Variants in SLC2A1 observed in about 807,000 individuals in gnomAD.
SLC2A1 encodes solute carrier family 2 member 1, also known as solute carrier family 2, facilitated glucose transporter member 1.
A neutral mutation model predicts 46.6 loss-of-function variants in SLC2A1; 4 were observed. That is an observed-to-expected ratio of 0.09 (90% confidence interval 0.04 to 0.20). The LOEUF (loss-of-function observed/expected upper bound fraction) is 0.20. Ranked by LOEUF, SLC2A1 falls within the 10% of genes least tolerant of loss-of-function variation. SLC2A1 has a pLI of 1.00. For synonymous variants in SLC2A1, 253 were observed against 270.0 expected (o/e 0.94, Z 0.62); for missense variants, 352 against 667.0 (o/e 0.53, Z 5.20).
chr1:42,931,945 C>T (rs545033257), intron 2 of SLC2A1, among the ~76,000 whole-genome samples: 4 of 152,306 alleles, frequency 2.6e-5, no homozygotes, highest in South Asian at 4.1e-4. Context: ...GGCCCTCCCC[C>T]CAACCCCTTG....
chr1:42,950,975 C>CA (rs1041318001), intron 1 of SLC2A1, among the ~76,000 whole-genome samples: 2 of 151,660 alleles, frequency 1.3e-5, no homozygotes, highest in Admixed American at 1.3e-4. Context: ...AACTCCGTCT[C>CA]AAAAAAAAGT....
chr1:42,930,387 CG>C lies in SLC2A1; in HGVS notation c.516+238del, dbSNP rs1341338833. On this transcript the variant is annotated intron_variant, in intron 4 of 9. Transcript: ENST00000426263. This position sits in a 1 kb window ranked among gnomAD's most constrained non-coding sequence, Gnocchi z 6.2. ...CAGCCTGCGGCATGTTGGGGGAAGG[CG>C]GGCCCTGTGGTTGGAAGCCTAGAGT... 1 of 700,618 alleles carries C rather than the reference CG, an allele frequency of 1.4e-6. No individual in the cohort carries two copies. The highest frequency in any genetic ancestry group is 1.8e-5 in the African/African-American group (1 of 56,604). 43.4% of individuals were successfully genotyped at this position (700,618 alleles called of 1,614,324 possible).
chr1:42,948,767 A>G (rs1301919759), intron 1 of SLC2A1, among the ~76,000 whole-genome samples: 1 of 152,106 alleles, frequency 6.6e-6, no homozygotes, highest in Non-Finnish European at 1.5e-5. Flanking sequence ...TGTCTCTACT[A>G]AAAATAGAAA....
Position 42,927,902 on chromosome 1 carries a change from C to G in SLC2A1, c.1075-94G>C. Reference sequence around the variant, plus strand: ...CTACAGAGGCCAGAGCAGAGCTATGCGAGAAGGCAGGAAGCCTGGGGATGG... The same window carrying G: ...CTACAGAGGCCAGAGCAGAGCTATGGGAGAAGGCAGGAAGCCTGGGGATGG... On this transcript the variant is annotated intron_variant, in intron 8 of 9. Coordinates refer to ENST00000426263, the MANE Select transcript of SLC2A1 (RefSeq NM_006516.4). The surrounding 1 kb of genome is among the most constrained non-coding windows in gnomAD (Gnocchi z 5.3). 2 of 977,138 alleles carry G rather than the reference C, an allele frequency of 2.0e-6. No individual in the cohort carries two copies. Among genetic ancestry groups the G allele is most frequent in the Non-Finnish European group, 3.2e-6 (2 of 632,040 alleles). The allele number at this position is 977,138 out of a possible 1,614,324, so 60.5% of individuals were successfully genotyped here. A position where few individuals can be genotyped will look rare whatever the true frequency, so the allele number is the denominator to read the frequency against.
Position 42,927,754 on chromosome 1 carries a change from C to T in SLC2A1, c.1129G>A (p.Ala377Thr), listed in dbSNP as rs779678519. 1.2e-6 allele frequency: 2 copies of T among 1,613,902 alleles called. No individual in the cohort carries two copies. The highest frequency in any genetic ancestry group is 1.3e-5 in the African/African-American group (1 of 74,892). ...LSIVAIFGFV[A>T]FFEVGPGPIP... is the part of the protein sequence containing the mutation. ...GGGCCAGGACCCACTTCAAAGAAGG[C>T]CACAAAGCCAAAGATGGCCACGATG... The change falls in exon 9 of 10, where the codon GCC becomes ACC. Residue 377 changes from alanine to threonine, a missense_variant. Around this residue, in one of 5 missense-constraint regions of SLC2A1, gnomAD observed 35 missense variants for 107.2 expected, o/e 0.33. Transcript: ENST00000426263. The surrounding 1 kb of genome is among the most constrained non-coding windows in gnomAD (Gnocchi z 5.3).
chr1:42,949,679 C>CAGCAG (rs1290791885), intron 1 of SLC2A1, among the ~76,000 whole-genome samples: 2 of 152,228 alleles, frequency 1.3e-5, no homozygotes, highest in African/African-American at 4.8e-5. Context: ...CATTTAGCAG[C>CAGCAG]AGCAGCAGCA....
Position 42,929,538 on chromosome 1 carries a change from A to G in SLC2A1, c.867+55T>C, listed in dbSNP as rs1643464662. 1.3e-6 allele frequency: 2 copies of G among 1,525,058 alleles called. No individual in the cohort carries two copies. Among genetic ancestry groups the G allele is most frequent in the African/African-American group, 1.4e-5 (1 of 73,288 alleles). The allele number at this position is 1,525,058 out of a possible 1,614,324, so 94.5% of individuals were successfully genotyped here. A position where few individuals can be genotyped will look rare whatever the true frequency, so the allele number is the denominator to read the frequency against. ...CAAGTTTGGGACTTGTTCACCATGC[A>G]CACTTGACCAGAGGGCTTGGCTGGG... On this transcript the variant is annotated intron_variant, in intron 6 of 9. Transcript: ENST00000426263. This position sits in a 1 kb window ranked among gnomAD's most constrained non-coding sequence, Gnocchi z 6.0.
chr1:42,929,060 A>G lies in SLC2A1; in HGVS notation c.973-27T>C. On this transcript the variant is annotated intron_variant, in intron 7 of 9. Coordinates refer to ENST00000426263, the MANE Select transcript of SLC2A1 (RefSeq NM_006516.4). This position sits in a 1 kb window ranked among gnomAD's most constrained non-coding sequence, Gnocchi z 6.0. ...TGTGGGCAGAGACAGTGTCAGTGCCACCCCTGCCTAGTGCCCTTCTGAACC... is the reference window on the plus strand; with the variant it reads ...TGTGGGCAGAGACAGTGTCAGTGCCGCCCCTGCCTAGTGCCCTTCTGAACC... 6.2e-7 allele frequency: 1 copy of G among 1,604,292 alleles called. No individual in the cohort carries two copies. The highest frequency in any genetic ancestry group is 8.5e-7 in the Non-Finnish European group (1 of 1,172,296).
At chr1:42,949,582 G>A (rs2124468405) in intron 1 of SLC2A1, among the ~76,000 whole-genome samples, 1 of 152,320 alleles carries the variant, frequency 6.6e-6, no homozygotes, top group East Asian at 1.9e-4. Flanking sequence ...ACCCTTGCAT[G>A]ACTGAACCTC....
At position 42,926,808 on chromosome 1, in the gene SLC2A1, T is replaced by A. The variant is rs1643431395; in HGVS notation, c.*233A>T. Reference sequence around the variant, plus strand: ...ATAACAAAATCAGTAATAAAAAAATTATAAAACCTGTTGCTTGTCTGAATA... The same window carrying A: ...ATAACAAAATCAGTAATAAAAAAATAATAAAACCTGTTGCTTGTCTGAATA... On this transcript the variant is annotated 3_prime_UTR_variant, in exon 10 of 10. Coordinates refer to ENST00000426263, the MANE Select transcript of SLC2A1 (RefSeq NM_006516.4). 4 of 1,494,804 alleles carry A rather than the reference T, an allele frequency of 2.7e-6. No individual in the cohort carries two copies. Among genetic ancestry groups the A allele is most frequent in the Non-Finnish European group, 3.5e-6 (4 of 1,128,316 alleles). The allele number at this position is 1,494,804 out of a possible 1,614,324, so 92.6% of individuals were successfully genotyped here.
chr1:42,927,282 T>C lies in SLC2A1; in HGVS notation c.1279-41A>G, dbSNP rs761521777. The C allele has an allele frequency of 2.5e-6, 4 of 1,584,746 alleles. No homozygotes were observed. The East Asian group carries it at 8.9e-5, about 35-fold the overall frequency. On this transcript the variant is annotated intron_variant, in intron 9 of 9. Coordinates refer to ENST00000426263, the MANE Select transcript of SLC2A1 (RefSeq NM_006516.4). This position sits in a 1 kb window ranked among gnomAD's most constrained non-coding sequence, Gnocchi z 5.3. The stretch of plus-strand genomic sequence containing the variant: ...ACACACTTGGTTGGAGTCATGACCC[T>C]ACATCCTGGCTGTAGGACTTTGGAT...
At chr1:42,938,257 A>G (rs1213449116) in intron 2 of SLC2A1, among the ~76,000 whole-genome samples, 1 of 151,900 alleles carries the variant, frequency 6.6e-6, no homozygotes. Flanking sequence ...CCAGGAGGGG[A>G]TGCATGGCAG....
chr1:42,947,311 C>T (rs1016506207), intron 1 of SLC2A1, among the ~76,000 whole-genome samples: 5 of 152,144 alleles, frequency 3.3e-5, no homozygotes, highest in African/African-American at 1.2e-4. Context: ...CCCAGCAGCC[C>T]ATCAGCACTC....
intron 1 of SLC2A1, among the ~76,000 whole-genome samples, chr1:42,957,998 C>G (rs1288976804): frequency 6.6e-6 from 1 of 152,212 alleles, no homozygotes; most frequent in Non-Finnish European, 1.5e-5. Context: ...TTCATCTCAA[C>G]CCCCGCGTTC....
At position 42,936,528 on chromosome 1, in the gene SLC2A1, G is replaced by T. The variant is rs182206803; in HGVS notation, c.115-5322C>A. ...CTGGGTCCCCTGGGGCCTCACTTTG[G>T]GGCCTGGGGGAAGAGGCCCAGGTTG... On this transcript the variant is annotated intron_variant, in intron 2 of 9. Transcript: ENST00000426263. Among the ~76,000 whole-genome samples the T allele has an allele frequency of 5.6e-4, 85 of 152,242 alleles. 1 individual carries two copies. Among genetic ancestry groups the T allele is most frequent in the African/African-American group, 2.0e-3 (82 of 41,548 alleles).
chr1:42,948,542 G>A (rs549208401), intron 1 of SLC2A1, among the ~76,000 whole-genome samples: 4 of 152,156 alleles, frequency 2.6e-5, no homozygotes, highest in Non-Finnish European at 5.9e-5. Context: ...TCAAAGGAGT[G>A]GGGGAGGGGT....
In SLC2A1 at chr1:42,958,710, G is replaced by T; in HGVS notation, c.-59C>A. 1 of 1,517,956 alleles carries T rather than the reference G, an allele frequency of 6.6e-7. No individual in the cohort carries two copies. The highest frequency in any genetic ancestry group is 2.0e-5 in the Admixed American group (1 of 50,602). 94.0% of individuals were successfully genotyped at this position (1,517,956 alleles called of 1,614,324 possible). On this transcript the variant is annotated 5_prime_UTR_variant, in exon 1 of 10. Transcript: ENST00000426263. ...GGTACGCGGGTGGCGACGGGCGTGC[G>T]AGCGGCGCTCTCCCGCTCAGGCTCG...
In SLC2A1 at chr1:42,929,326, G is replaced by A; in HGVS notation, c.868-12C>T. 1 of 1,600,508 alleles carries A rather than the reference G, an allele frequency of 6.2e-7. No homozygotes were observed. Among genetic ancestry groups the A allele is most frequent in the African/African-American group, 1.3e-5 (1 of 74,618 alleles). ...GAGTAATAGAAGACCTGCCAGACAA[G>A]AGAAACTGTTGGGGCCTACCTGGAC... On this transcript the variant is annotated splice_polypyrimidine_tract_variant and intron_variant, in intron 6 of 9. Coordinates refer to ENST00000426263, the MANE Select transcript of SLC2A1 (RefSeq NM_006516.4). This position sits in a 1 kb window ranked among gnomAD's most constrained non-coding sequence, Gnocchi z 6.0.
rs1485601868 is a variant in SLC2A1 at position 42,925,981 on chromosome 1, T to C, written c.*1060A>G. ...CAAGATAAAGAATGTATATATTCTCTGGGTAACAGGGATCAAACAGATTTT... is the reference window on the plus strand; with the variant it reads ...CAAGATAAAGAATGTATATATTCTCCGGGTAACAGGGATCAAACAGATTTT... On this transcript the variant is annotated 3_prime_UTR_variant, in exon 10 of 10. Transcript: ENST00000426263. The C allele has an allele frequency of 6.6e-6, 1 of 152,318 alleles. No individual in the cohort carries two copies. The highest frequency in any genetic ancestry group is 6.5e-5 in the Admixed American group (1 of 15,278). 9.4% of individuals were successfully genotyped at this position (152,318 alleles called of 1,614,324 possible).
Sources: gnomAD v4.1 joint callset for allele counts (sites outside exome capture counted in the v4.1 genomes callset) on GRCh38, gnomAD v4.1.1 for gene constraint, gnomAD v4.1.1 regional missense constraint, Gnocchi (gnomAD v3.1) non-coding constraint, MANE v1.5 for transcripts, NCBI Gene and HGNC (gene_info 2026-07-23, HGNC 2026-07-21) for gene names.